Variants in LIN7A observed in about 807,000 individuals in gnomAD.
The protein encoded by LIN7A is lin-7 cell polarity scaffold A, also known as protein lin-7 homolog A.
LIN7A carries 25 observed loss-of-function variants against 29.8 expected under a neutral mutation model. That is an observed-to-expected ratio of 0.84 (90% confidence interval 0.61 to 1.17). LIN7A has a LOEUF of 1.17. Ranked by LOEUF, LIN7A falls within the 50% of genes most tolerant of loss-of-function variation. The pLI is 0.00. For synonymous variants in LIN7A, 118 were observed against 107.5 expected (o/e 1.10, Z -0.60); for missense variants, 239 against 287.0 (o/e 0.83, Z 1.21).
At chr12:80,854,983 T>C in intron 2 of LIN7A, among the ~76,000 whole-genome samples, 1 of 152,156 alleles carries the variant, frequency 6.6e-6, no homozygotes, top group East Asian at 1.9e-4. Flanking sequence ...AAACAGTAGA[T>C]ATATTTAATG....
Position 80,859,369 on chromosome 12 carries a change from T to A in LIN7A, c.202-11047A>T, listed in dbSNP as rs12314188. Among the ~76,000 whole-genome samples, 1,017 of 152,300 alleles carry A rather than the reference T, an allele frequency of 6.7e-3. 11 individuals carry two copies. The highest frequency in any genetic ancestry group is 0.023 in the African/African-American group (948 of 41,572). On this transcript the variant is annotated intron_variant, in intron 2 of 5. Transcript: ENST00000552864. ...ATAAGTTTGATTTCAGACAATGTTG[T>A]TTGAGTCATTTTGTGATCTCTAGGA...
chr12:80,817,023 C>T lies in LIN7A; in HGVS notation c.484-5340G>A, dbSNP rs183471427. Among the ~76,000 whole-genome samples the T allele has an allele frequency of 1.4e-3, 214 of 152,296 alleles. 1 individual carries two copies. Among genetic ancestry groups the T allele is most frequent in the African/African-American group, 4.9e-3 (204 of 41,570 alleles). Reference sequence around the variant, plus strand: ...GCTCAAGTGATGCGCCTGCTTCAGCCTCGCAAAGTGCTGGGTTTACAGGAA... The same window carrying T: ...GCTCAAGTGATGCGCCTGCTTCAGCTTCGCAAAGTGCTGGGTTTACAGGAA... On this transcript the variant is annotated intron_variant, in intron 4 of 5. Transcript: ENST00000552864.
chr12:80,800,355 G>A (rs1406822124), intron 5 of LIN7A, among the ~76,000 whole-genome samples: 1 of 151,858 alleles, frequency 6.6e-6, no homozygotes, highest in African/African-American at 2.4e-5. Flanking sequence ...TGGGTGTGGT[G>A]GCGCATGCCT....
At chr12:80,903,877 A>T (rs892602745) in intron 1 of LIN7A, among the ~76,000 whole-genome samples, 1 of 152,116 alleles carries the variant, frequency 6.6e-6, no homozygotes, top group Non-Finnish European at 1.5e-5. Context: ...TTTTAATAGT[A>T]GCCATTCTGA....
Position 80,889,319 on chromosome 12 carries a change from C to T in LIN7A, c.133G>A (p.Val45Ile). 6.2e-7 allele frequency: 1 copy of T among 1,612,734 alleles called. No homozygotes were observed. Among genetic ancestry groups the T allele is most frequent in the Non-Finnish European group, 8.5e-7 (1 of 1,179,146 alleles). ...AGGGATTGTAGCTTGTGCACTGGTACTTCTCCAGATTCCTGTAGTTTTTCC... is the reference window on the plus strand; with the variant it reads ...AGGGATTGTAGCTTGTGCACTGGTATTTCTCCAGATTCCTGTAGTTTTTCC... ...LLEKLQESGE[V>I]PVHKLQSLKK... The change falls in exon 2 of 6, where the codon GTA (valine) becomes ATA (isoleucine). Residue 45 changes from valine to isoleucine, a missense_variant. Coordinates refer to ENST00000552864, the MANE Select transcript of LIN7A (RefSeq NM_004664.4).
At chr12:80,834,148 T>C (rs749616333) in intron 4 of LIN7A, among the ~76,000 whole-genome samples, 34 of 152,286 alleles carry the variant, frequency 2.2e-4, no homozygotes, top group Non-Finnish European at 1.3e-4. Context: ...TTTTTAAGTA[T>C]GTAAGGACTA....
chr12:80,895,802 C>T (rs1440544475), intron 1 of LIN7A, among the ~76,000 whole-genome samples: 2 of 152,042 alleles, frequency 1.3e-5, no homozygotes, highest in Non-Finnish European at 2.9e-5. Context: ...AGGTAAAACT[C>T]CCATTTTGTG....
intron 1 of LIN7A, among the ~76,000 whole-genome samples, chr12:80,895,617 T>A (rs1875846197): frequency 6.6e-6 from 1 of 152,244 alleles, no homozygotes; most frequent in Non-Finnish European, 1.5e-5. Context: ...CACTTCTTTT[T>A]CCAGACTCTA....
chr12:80,832,952 T>C (rs1872440483), intron 4 of LIN7A, among the ~76,000 whole-genome samples: 1 of 152,064 alleles, frequency 6.6e-6, no homozygotes, highest in Non-Finnish European at 1.5e-5. Context: ...AGGATAAACA[T>C]TCTACAATGC....
Position 80,794,425 on chromosome 12 carries a change from C to CA in LIN7A, c.*3301dup, listed in dbSNP as rs1870352038. 1 of 152,158 alleles carries CA rather than the reference C, an allele frequency of 6.6e-6. No homozygotes were observed. The highest frequency in any genetic ancestry group is 1.5e-5 in the Non-Finnish European group (1 of 68,016). The allele number at this position is 152,158 out of a possible 1,614,324, so 9.4% of individuals were successfully genotyped here. On this transcript the variant is annotated 3_prime_UTR_variant, in exon 6 of 6. Transcript: ENST00000552864. ...ACAGGCTGTGTCTGTATGATAAAAA[C>CA]AAACTAGTTAAAAGATGAGAAATTT...
At chr12:80,851,344 T>C (rs984582107) in intron 2 of LIN7A, among the ~76,000 whole-genome samples, 1 of 151,170 alleles carries the variant, frequency 6.6e-6, no homozygotes, top group African/African-American at 2.5e-5. Flanking sequence ...GAATCCAATA[T>C]AATTGCTAGT....
chr12:80,928,409 A>T (rs1011964662), intron 1 of LIN7A, among the ~76,000 whole-genome samples: 1 of 152,084 alleles, frequency 6.6e-6, no homozygotes, highest in African/African-American at 2.4e-5. Flanking sequence ...AACTGGTGTG[A>T]GATGGCATCC....
At position 80,937,659 on chromosome 12, in the gene LIN7A, G is replaced by T. The variant is rs1280708937; in HGVS notation, c.64C>A (p.Pro22Thr). The change falls in exon 1 of 6, where the codon CCG becomes ACG. Residue 22 changes from proline (P) to threonine (T), a missense_variant. Coordinates refer to ENST00000552864, the MANE Select transcript of LIN7A (RefSeq NM_004664.4). ...CCCTTACCTCTGTCCAGGGTGAGCGGCTGGACCACTGTCAATGTCGCCATG... is the reference window on the plus strand; with the variant it reads ...CCCTTACCTCTGTCCAGGGTGAGCGTCTGGACCACTGTCAATGTCGCCATG... ...ADMATLTVVQ[P>T]LTLDRDVARA... 1.3e-6 allele frequency: 2 copies of T among 1,569,832 alleles called. No homozygotes were observed. Among genetic ancestry groups the T allele is most frequent in the Non-Finnish European group, 1.7e-6 (2 of 1,154,852 alleles).
At chr12:80,804,924 C>T (rs1187304220) in intron 5 of LIN7A, among the ~76,000 whole-genome samples, 1 of 151,034 alleles carries the variant, frequency 6.6e-6, no homozygotes, top group Non-Finnish European at 1.5e-5. Flanking sequence ...TTTATCCATT[C>T]ATCTGTTGAT....
chr12:80,807,638 A>G (rs1237034079), intron 5 of LIN7A, among the ~76,000 whole-genome samples: 2 of 152,206 alleles, frequency 1.3e-5, no homozygotes, highest in African/African-American at 4.8e-5. Context: ...ATGAGTTAGC[A>G]AAAAGAGTGT....
chr12:80,937,504 G>C, intron 1 of LIN7A, 137 bp downstream of exon 1: 2 of 507,250 alleles, frequency 3.9e-6, no homozygotes, highest in South Asian at 9.7e-5. Context: ...TTCTCGGCGC[G>C]AACGCCTTCC....
chr12:80,828,831 T>C (rs1185734800), intron 4 of LIN7A, among the ~76,000 whole-genome samples: 2 of 152,034 alleles, frequency 1.3e-5, no homozygotes, highest in African/African-American at 4.8e-5. Flanking sequence ...ATGTGTGTGC[T>C]TGAATACAAA....
At position 80,877,121 on chromosome 12, in the gene LIN7A, C is replaced by CA. The variant is rs55779514; in HGVS notation, c.201+12129dup. On this transcript the variant is annotated intron_variant, in intron 2 of 5. Transcript: ENST00000552864. ...TAGCCAACAGAGAGAGACTCTGTCT[C>CA]AAAAAAAAAAAAAAAAAGTTAAATA... Among the ~76,000 whole-genome samples, 181 of 106,484 alleles carry CA rather than the reference C, an allele frequency of 1.7e-3. 4 individuals carry two copies. The highest frequency in any genetic ancestry group is 0.011 in the Middle Eastern group (2 of 184). The allele number at this position is 106,484 out of a possible 152,430, so 69.9% of individuals were successfully genotyped here.
intron 4 of LIN7A, among the ~76,000 whole-genome samples, chr12:80,844,771 ATATGT>A (rs1872981432): frequency 7.8e-6 from 1 of 128,772 alleles, no homozygotes; most frequent in African/African-American, 2.8e-5. Context: ...CATCCAGAGA[ATATGT>A]TATGAGAAAA....
Sources: gnomAD v4.1 joint callset for allele counts (sites outside exome capture counted in the v4.1 genomes callset) on GRCh38, gnomAD v4.1.1 for gene constraint, MANE v1.5 for transcripts, NCBI Gene and HGNC (gene_info 2026-07-23, HGNC 2026-07-21) for gene names.